LRPPRC: variants seen among roughly 807,000 people sequenced by gnomAD.
LRPPRC encodes the protein leucine-rich PPR motif-containing protein, mitochondrial.
In LRPPRC, 120 loss-of-function variants were observed where a neutral mutation model predicts 180.3. The observed-to-expected ratio is 0.67, with a 90% CI of 0.57 to 0.77. The LOEUF (loss-of-function observed/expected upper bound fraction) is 0.77. Ranked by LOEUF, LRPPRC falls within the 30% of genes least tolerant of loss-of-function variation. LRPPRC has a pLI of 0.00. For synonymous variants in LRPPRC, 723 were observed against 600.0 expected (o/e 1.21, Z -3.00); for missense variants, 2,012 against 1,657.2 (o/e 1.21, Z -3.72).
At chr2:43,937,005 G>C (rs562824841) in intron 23 of LRPPRC, among the ~76,000 whole-genome samples, 3 of 150,562 alleles carry the variant, frequency 2.0e-5, no homozygotes, top group African/African-American at 7.3e-5. Context: ...ACACACATAC[G>C]ATTTTTTTTT....
At chr2:43,953,885 T>C (rs1021128044) in intron 14 of LRPPRC, among the ~76,000 whole-genome samples, 1 of 152,198 alleles carries the variant, frequency 6.6e-6, no homozygotes, top group African/African-American at 2.4e-5. Context: ...AGATACTCAA[T>C]AATGGCCAGG....
chr2:43,960,700 C>G, intron 12 of LRPPRC, 66 bp from the exon 13 acceptor site: 1 of 807,002 alleles, frequency 1.2e-6, no homozygotes, highest in South Asian at 1.3e-5. Context: ...AGCCAAAGAT[C>G]CTGTTTTCCT....
At position 43,978,337 on chromosome 2, in the gene LRPPRC, A is replaced by C. The variant is rs554211457; in HGVS notation, c.470-1061T>G. Among the ~76,000 whole-genome samples, 123 of 152,310 alleles carry C rather than the reference A, an allele frequency of 8.1e-4. 1 individual carries two copies. Among genetic ancestry groups the C allele is most frequent in the African/African-American group, 2.6e-3 (108 of 41,594 alleles). On this transcript the variant is annotated intron_variant, in intron 3 of 37. Coordinates refer to ENST00000260665, the MANE Select transcript of LRPPRC (RefSeq NM_133259.4). The stretch of plus-strand genomic sequence containing the variant: ...CAAATGCCATTATACACAAAGCATC[A>C]TGCTACTGTCAAACAGGAAAATAAA...
intron 23 of LRPPRC, among the ~76,000 whole-genome samples, chr2:43,939,235 C>T (rs990643023): frequency 2.6e-4 from 40 of 151,716 alleles, no homozygotes; most frequent in Admixed American, 5.9e-4. Context: ...GAGCCAAGAT[C>T]GTGCCACTGC....
chr2:43,966,050 A>G (rs1432946752), intron 11 of LRPPRC, among the ~76,000 whole-genome samples: 1 of 152,222 alleles, frequency 6.6e-6, no homozygotes, highest in East Asian at 1.9e-4. Context: ...AGTACCCAAG[A>G]TGTAGAAACA....
chr2:43,948,589 T>C, intron 16 of LRPPRC, 71 bp from the exon 17 acceptor site: 1 of 832,520 alleles, frequency 1.2e-6, no homozygotes, highest in Non-Finnish European at 2.1e-6. Flanking sequence ...GATTAATTTA[T>C]AAGAAATCAT....
chr2:43,941,747 C>T (rs939169348), intron 23 of LRPPRC, among the ~76,000 whole-genome samples: 5 of 148,786 alleles, frequency 3.4e-5, no homozygotes, highest in Non-Finnish European at 7.4e-5. Flanking sequence ...TTTTATTAGT[C>T]TCATGACTCT....
Position 43,982,301 on chromosome 2 carries a change from GA to G in LRPPRC, c.282del (p.Arg95GlufsTer24). 1 of 1,589,572 alleles carries G rather than the reference GA, an allele frequency of 6.3e-7. No individual in the cohort carries two copies. Among genetic ancestry groups the G allele is most frequent in the Non-Finnish European group, 8.6e-7 (1 of 1,168,926 alleles). ...DWALMRLDLS[V>X]RRTGRIPKKL... Reference sequence around the variant, plus strand: ...TTCTTTGGAATGCGGCCAGTTCTTCGAACAGAAAGATCTAGTCTCATTAGAG... The same window carrying G: ...TTCTTTGGAATGCGGCCAGTTCTTCGACAGAAAGATCTAGTCTCATTAGAG... On this transcript the variant is annotated frameshift_variant, in exon 2 of 38. Coordinates refer to ENST00000260665, the MANE Select transcript of LRPPRC (RefSeq NM_133259.4). LOFTEE classifies it high-confidence loss of function.
At chr2:43,907,525 C>G (rs569992992) in intron 30 of LRPPRC, among the ~76,000 whole-genome samples, 4 of 152,142 alleles carry the variant, frequency 2.6e-5, no homozygotes, top group Admixed American at 1.3e-4. Context: ...TCCAATCATC[C>G]AATAACCCTA....
rs775360011 is a variant in LRPPRC, at chr2:43,889,796, G to C, written c.4066C>G (p.Leu1356Val). The change falls in exon 37 of 38, where the codon CTA (leucine) becomes GTA (valine). Residue 1356 changes from leucine to valine, a missense_variant. Transcript: ENST00000260665. Reference sequence around the variant, plus strand: ...TTCAGCAAAGATGCGTAACGCTTTAGAAACAGATCATCCAATTTTGTATTC... The same window carrying C: ...TTCAGCAAAGATGCGTAACGCTTTACAAACAGATCATCCAATTTTGTATTC... Reference protein sequence around the residue: ...AKNTKLDDLFLKRYASLLKYA... With the variant: ...AKNTKLDDLFVKRYASLLKYA... The C allele has an allele frequency of 2.5e-6, 4 of 1,611,266 alleles. No individual in the cohort carries two copies. In the South Asian group the frequency reaches 4.4e-5, roughly 18 times the overall value.
chr2:43,995,898 G>A lies in LRPPRC; in HGVS notation c.50C>T (p.Ala17Val), dbSNP rs896539791. ...GCGCAGGGAGAGCGGGAGGCGCGGG[G>A]CCGCCCCGGCACGCAGCAACCAACG... ...SARWLLRAGA[A>V]PRLPLSLRLL... Residue 17 changes from alanine (A) to valine (V), a missense_variant, in exon 1 of 38, where the codon GCC becomes GTC. Physicochemically the swap from Ala to Val is moderately conservative, Grantham distance 64. Transcript: ENST00000260665. 2.5e-5 allele frequency: 38 copies of A among 1,512,248 alleles called. No individual in the cohort carries two copies. In the Admixed American group the frequency reaches 2.7e-4, roughly 11 times the overall value. 93.7% of individuals were successfully genotyped at this position (1,512,248 alleles called of 1,614,324 possible).
At chr2:43,922,061 A>C (rs1671718748) in intron 27 of LRPPRC, among the ~76,000 whole-genome samples, 3 of 152,222 alleles carry the variant, frequency 2.0e-5, no homozygotes, top group Non-Finnish European at 4.4e-5. Context: ...TGAGGAAGTC[A>C]TTTCATTCAT....
chr2:43,918,788 T>G (rs1321387715), intron 27 of LRPPRC, among the ~76,000 whole-genome samples: 2 of 26,176 alleles, frequency 7.6e-5, no homozygotes, highest in Non-Finnish European at 1.1e-4. Flanking sequence ...TATATATATA[T>G]ATAGATATAT....
intron 36 of LRPPRC, among the ~76,000 whole-genome samples, chr2:43,892,952 T>C (rs746008183): frequency 1.3e-5 from 2 of 152,036 alleles, no homozygotes; most frequent in Non-Finnish European, 2.9e-5. Flanking sequence ...TGATAGGAGG[T>C]CAAATTATCA....
intron 36 of LRPPRC, among the ~76,000 whole-genome samples, chr2:43,890,653 C>T (rs1670458423): frequency 6.6e-6 from 1 of 152,180 alleles, no homozygotes; most frequent in African/African-American, 2.4e-5. Flanking sequence ...GTGGAGCTTG[C>T]AGTGAGCCGA....
At chr2:43,982,211 C>G in intron 2 of LRPPRC, 27 bp downstream of exon 2, 1 of 1,526,686 alleles carries the variant, frequency 6.6e-7, no homozygotes, top group Non-Finnish European at 8.8e-7. Flanking sequence ...CAAAAGTCAA[C>G]TTTATGAACA....
At chr2:43,911,735 C>G (rs546319944) in intron 30 of LRPPRC, among the ~76,000 whole-genome samples, 1 of 151,936 alleles carries the variant, frequency 6.6e-6, no homozygotes, top group Non-Finnish European at 1.5e-5. Flanking sequence ...CCATGTTGGC[C>G]AGGCTGGTCT....
At chr2:43,900,215 T>C (rs1027987686) in intron 32 of LRPPRC, among the ~76,000 whole-genome samples, 3 of 152,140 alleles carry the variant, frequency 2.0e-5, no homozygotes, top group Non-Finnish European at 2.9e-5. Flanking sequence ...ACACTTTACA[T>C]TGAAAAAAAT....
rs1269980267 is a variant in LRPPRC at position 43,973,822 on chromosome 2, G to A, written c.1234C>T (p.His412Tyr). The A allele has an allele frequency of 1.2e-6, 2 of 1,613,788 alleles. No homozygotes were observed. The highest frequency in any genetic ancestry group is 2.2e-5 in the South Asian group (2 of 91,080). Reference protein sequence around the residue: ...MHSFPLQFTLHCALLANKTDL... With the variant: ...MHSFPLQFTLYCALLANKTDL... ...GTTTTATTGGCGAGTAAAGCACAAT[G>A]GAGGGTGAACTGCAGAGGAAAGGAG... The change falls in exon 10 of 38, where the codon CAT becomes TAT. Residue 412 changes from histidine (H) to tyrosine (Y), a missense_variant. Physicochemically the swap from His to Tyr is moderately conservative, Grantham distance 83 (BLOSUM62 2). Transcript: ENST00000260665.
Sources: gnomAD v4.1 joint callset for allele counts (sites outside exome capture counted in the v4.1 genomes callset) on GRCh38, gnomAD v4.1.1 for gene constraint, MANE v1.5 for transcripts, NCBI Gene and HGNC (gene_info 2026-07-23, HGNC 2026-07-21) for gene names.